The following INPP5A variants were observed in gnomAD, a reference collection of about 807,000 sequenced individuals.
INPP5A encodes inositol polyphosphate-5-phosphatase A.
In INPP5A, 14 loss-of-function variants were observed where a neutral mutation model predicts 65.2. That is an observed-to-expected ratio of 0.21 (90% CI 0.14 to 0.34). The LOEUF (loss-of-function observed/expected upper bound fraction) is 0.34. Among genes scored for constraint, INPP5A ranks in the 10% least tolerant of loss-of-function variants. INPP5A has a pLI of 1.00. For missense variants in INPP5A, 431 were observed against 545.6 expected, an observed-to-expected ratio of 0.79 and a Z score of 2.09; for synonymous variants, 207 against 208.3, an observed-to-expected ratio of 0.99 and a Z score of 0.05.
At position 132,701,935 on chromosome 10, in the gene INPP5A, C is replaced by T. The variant is rs1472492154; in HGVS notation, c.474+4016C>T. On this transcript the variant is annotated intron_variant, in intron 6 of 15. Transcript: ENST00000368594. The stretch of plus-strand genomic sequence containing the variant: ...TGGGGAAATGAGGGTGGTACCTGTC[C>T]TGAGTGCTGGTGGGGCCACCGAAGG... Among the ~76,000 whole-genome samples the T allele has an allele frequency of 2.0e-5, 3 of 152,358 alleles. No individual in the cohort carries two copies. The South Asian group carries it at 6.2e-4, about 32-fold the overall frequency.
At chr10:132,576,152 G>A (rs894231526) in intron 1 of INPP5A, among the ~76,000 whole-genome samples, 5 of 152,208 alleles carry the variant, frequency 3.3e-5, no homozygotes, top group African/African-American at 4.8e-5. Context: ...TGCAGGTCAG[G>A]CTCCAGGTTG....
intron 8 of INPP5A, among the ~76,000 whole-genome samples, chr10:132,715,068 TG>T (rs1450474218): frequency 1.3e-5 from 2 of 152,118 alleles, no homozygotes; most frequent in African/African-American, 2.4e-5. Flanking sequence ...CAGCCCGTGT[TG>T]GGGGCAGCCC....
At chr10:132,681,537 G>A (rs1263797228) in intron 4 of INPP5A, among the ~76,000 whole-genome samples, 4 of 152,212 alleles carry the variant, frequency 2.6e-5, no homozygotes, top group Admixed American at 6.5e-5. Context: ...GCGAGGGTCC[G>A]CGGCTTCATT....
At chr10:132,641,717 C>A (rs1044547261) in intron 2 of INPP5A, among the ~76,000 whole-genome samples, 10 of 152,238 alleles carry the variant, frequency 6.6e-5, no homozygotes, top group Non-Finnish European at 1.5e-4. Flanking sequence ...CAGTGCCCTG[C>A]TCTTTTCTAT....
intron 1 of INPP5A, among the ~76,000 whole-genome samples, chr10:132,571,701 C>T (rs1028935607): frequency 1.6e-4 from 25 of 152,342 alleles, no homozygotes; most frequent in Admixed American, 6.5e-4. Flanking sequence ...GCAGCCCTGA[C>T]GTGCGTGCTG....
chr10:132,584,031 T>A (rs770319583), intron 1 of INPP5A, among the ~76,000 whole-genome samples: 5 of 152,204 alleles, frequency 3.3e-5, no homozygotes, highest in Non-Finnish European at 7.3e-5. Context: ...TGCAGTGAAC[T>A]GTGACTGCGC....
At chr10:132,626,049 C>T (rs1412041828) in intron 2 of INPP5A, among the ~76,000 whole-genome samples, 1 of 152,222 alleles carries the variant, frequency 6.6e-6, no homozygotes, top group Non-Finnish European at 1.5e-5. Flanking sequence ...CCCCGCCCCT[C>T]GGGTACCACA....
intron 2 of INPP5A, among the ~76,000 whole-genome samples, chr10:132,618,740 C>A (rs1381394690): frequency 6.6e-6 from 1 of 152,138 alleles, no homozygotes; most frequent in Admixed American, 6.5e-5. Flanking sequence ...TTCAGTCAGG[C>A]AGAAGGCAAA....
chr10:132,589,871 A>G (rs1033440970), intron 1 of INPP5A, among the ~76,000 whole-genome samples: 1 of 152,190 alleles, frequency 6.6e-6, no homozygotes. Flanking sequence ...ATCCCATGCC[A>G]GGGAGCCCAC....
At chr10:132,763,754 AAC>A (rs896524387) in intron 11 of INPP5A, among the ~76,000 whole-genome samples, 121 of 147,580 alleles carry the variant, frequency 8.2e-4, no homozygotes, top group African/African-American at 2.6e-3. Context: ...CCTGCATACA[AAC>A]ACACATGCCG....
At position 132,698,973 on chromosome 10, in the gene INPP5A, C is replaced by T. The variant is rs1020799313; in HGVS notation, c.474+1054C>T. On this transcript the variant is annotated intron_variant, in intron 6 of 15. Coordinates refer to ENST00000368594, the MANE Select transcript of INPP5A (RefSeq NM_005539.5). The surrounding 1 kb of genome is among the most constrained non-coding windows in gnomAD (Gnocchi z 5.5). ...CACCCTGTGGCTCGGCCTCCTCATC[C>T]GTCTTCCCAAGGCCAAGGACGCCGT... Among the ~76,000 whole-genome samples the T allele has an allele frequency of 3.3e-5, 5 of 152,366 alleles. No individual in the cohort carries two copies. Among genetic ancestry groups the T allele is most frequent in the Admixed American group, 2.0e-4 (3 of 15,310 alleles).
chr10:132,572,494 C>T (rs973483473), intron 1 of INPP5A, among the ~76,000 whole-genome samples: 3 of 151,896 alleles, frequency 2.0e-5, no homozygotes, highest in Non-Finnish European at 2.9e-5. Context: ...CACGCCCGCC[C>T]GGGGCTGCTT....
Position 132,738,531 on chromosome 10 carries a change from C to T in INPP5A, c.733-10986C>T, listed in dbSNP as rs551771609. Reference sequence around the variant, plus strand: ...GCAGGGCCAGTCCTGTGGAGCCACCCCTGGGCCCAGCAGAGGGTGCCCGGC... The same window carrying T: ...GCAGGGCCAGTCCTGTGGAGCCACCTCTGGGCCCAGCAGAGGGTGCCCGGC... On this transcript the variant is annotated intron_variant, in intron 9 of 15. Coordinates refer to ENST00000368594, the MANE Select transcript of INPP5A (RefSeq NM_005539.5). Among the ~76,000 whole-genome samples the T allele has an allele frequency of 9.2e-5, 14 of 152,344 alleles. No homozygotes were observed. In the East Asian group the frequency reaches 2.7e-3, roughly 29 times the overall value.
In INPP5A at chr10:132,697,142, C is replaced by T. The variant is rs2134498636; in HGVS notation, c.371-674C>T. ...GGCCAGCAGCCACCTGCCCACTGGA[C>T]CCAGCAGGAGTTTGAGGAATGGATC... On this transcript the variant is annotated intron_variant, in intron 5 of 15. Coordinates refer to ENST00000368594, the MANE Select transcript of INPP5A (RefSeq NM_005539.5). The surrounding 1 kb of genome is among the most constrained non-coding windows in gnomAD (Gnocchi z 5.6). Among the ~76,000 whole-genome samples the T allele has an allele frequency of 6.6e-6, 1 of 152,358 alleles. No individual in the cohort carries two copies. Among genetic ancestry groups the T allele is most frequent in the Non-Finnish European group, 1.5e-5 (1 of 68,042 alleles).
chr10:132,681,532 G>C (rs1008344522), intron 4 of INPP5A, among the ~76,000 whole-genome samples: 11 of 152,148 alleles, frequency 7.2e-5, no homozygotes, highest in African/African-American at 2.4e-4. Flanking sequence ...TCACCGCGAG[G>C]GTCCGCGGCT....
At chr10:132,734,790 C>T (rs181929293) in intron 9 of INPP5A, among the ~76,000 whole-genome samples, 18 of 152,366 alleles carry the variant, frequency 1.2e-4, no homozygotes, top group Admixed American at 1.1e-3. Flanking sequence ...GCACATCTCT[C>T]TGCCTTCCTA....
chr10:132,716,203 T>C (rs1845736851), intron 8 of INPP5A, among the ~76,000 whole-genome samples: 1 of 152,230 alleles, frequency 6.6e-6, no homozygotes, highest in African/African-American at 2.4e-5. Flanking sequence ...AAACAAACCA[T>C]GTGGGCCCGC....
Position 132,665,972 on chromosome 10 carries a change from G to A in INPP5A, c.306+15467G>A, listed in dbSNP as rs1016807328. ...TGGGAGGCTGAGGCTGGAGGATCGT[G>A]TGAGCCTGGGAGGTGGAGGTAGCAG... is the stretch of plus-strand genomic sequence containing the variant. On this transcript the variant is annotated intron_variant, in intron 4 of 15. Transcript: ENST00000368594. Among the ~76,000 whole-genome samples, 6 of 151,670 alleles carry A rather than the reference G, an allele frequency of 4.0e-5. No individual in the cohort carries two copies. In the Middle Eastern group the frequency reaches 0.01, roughly 258 times the overall value.
At chr10:132,618,179 A>C (rs1259067480) in intron 2 of INPP5A, among the ~76,000 whole-genome samples, 1 of 152,238 alleles carries the variant, frequency 6.6e-6, no homozygotes, top group East Asian at 1.9e-4. Context: ...AAATTGAGAT[A>C]ATAAATGTTG....
Sources: allele counts gnomAD v4.1 joint callset (sites outside exome capture counted in the v4.1 genomes callset), GRCh38; gene constraint gnomAD v4.1.1; non-coding constraint Gnocchi (gnomAD v3.1); transcripts MANE v1.5; gene names NCBI Gene and HGNC (gene_info 2026-07-23, HGNC 2026-07-21).